TRPC1: variants seen among roughly 807,000 people sequenced by gnomAD.
TRPC1 encodes transient receptor potential cation channel subfamily C member 1.
Under a neutral mutation model 88.2 loss-of-function variants are expected in TRPC1, and 42 were observed. The observed-to-expected ratio is 0.48, with a 90% CI of 0.37 to 0.62. The LOEUF is 0.62. TRPC1 is among the 20% of genes least tolerant of loss of function. TRPC1 has a pLI of 0.00. For missense variants in TRPC1, 699 were observed against 957.3 expected, an observed-to-expected ratio of 0.73 and a Z score of 3.56; for synonymous variants, 288 against 331.8, an observed-to-expected ratio of 0.87 and a Z score of 1.43.
chr3:142,763,936 G>A (rs573625524), intron 4 of TRPC1, among the ~76,000 whole-genome samples: 16 of 78,074 alleles, frequency 2.0e-4, no homozygotes, highest in South Asian at 1.0e-3. Context: ...GCAATAGAGC[G>A]AGACTCCGTC....
chr3:142,754,708 A>G (rs1222862863), intron 4 of TRPC1, among the ~76,000 whole-genome samples: 1 of 152,190 alleles, frequency 6.6e-6, no homozygotes, highest in African/African-American at 2.4e-5. Context: ...AACTTGGCTC[A>G]GTATCTACCA....
intron 1 of TRPC1, among the ~76,000 whole-genome samples, chr3:142,725,874 A>G (rs1933652640): frequency 6.6e-6 from 1 of 152,136 alleles, no homozygotes; most frequent in Non-Finnish European, 1.5e-5. Context: ...TTTTTTGAAA[A>G]CAATTGACAT....
chr3:142,782,598 TG>T (rs1190729283), intron 6 of TRPC1, among the ~76,000 whole-genome samples: 41 of 152,224 alleles, frequency 2.7e-4, no homozygotes, highest in Admixed American at 2.6e-3. Context: ...TCTCCGTGTC[TG>T]GGAACTCATC....
At chr3:142,754,421 TA>T (rs1015913144) in intron 4 of TRPC1, among the ~76,000 whole-genome samples, 6 of 151,526 alleles carry the variant, frequency 4.0e-5, no homozygotes, top group South Asian at 4.2e-4. Flanking sequence ...TAAAGTATAA[TA>T]AAAAAAATGA....
intron 9 of TRPC1, among the ~76,000 whole-genome samples, chr3:142,800,907 T>G (rs1191266706): frequency 2.0e-5 from 3 of 148,940 alleles, no homozygotes; most frequent in Non-Finnish European, 4.4e-5. Flanking sequence ...AGATAGAGAC[T>G]GTCTTAAAAA....
chr3:142,773,221 CT>C (rs944906956), intron 4 of TRPC1, among the ~76,000 whole-genome samples: 7 of 151,066 alleles, frequency 4.6e-5, no homozygotes, highest in Admixed American at 4.6e-4. Context: ...CCATTATAGT[CT>C]TTTTTTTTGA....
chr3:142,804,368 G>A, intron 11 of TRPC1, 68 bp from the exon 12 acceptor site: 1 of 1,407,406 alleles, frequency 7.1e-7, no homozygotes, highest in Non-Finnish European at 9.6e-7. Flanking sequence ...TGCAAGGTGT[G>A]GAAACATCCC....
intron 6 of TRPC1, among the ~76,000 whole-genome samples, chr3:142,783,461 C>T (rs1431194786): frequency 6.6e-6 from 1 of 152,180 alleles, no homozygotes; most frequent in Non-Finnish European, 1.5e-5. Context: ...AAGTATCTTT[C>T]AATTACTTAT....
At chr3:142,764,667 T>C (rs1393183206) in intron 4 of TRPC1, among the ~76,000 whole-genome samples, 2 of 152,160 alleles carry the variant, frequency 1.3e-5, no homozygotes, top group Non-Finnish European at 2.9e-5. Context: ...GTTATTTGCT[T>C]CTTTTCTGTA....
intron 4 of TRPC1, among the ~76,000 whole-genome samples, chr3:142,763,978 ATATAT>A: frequency 2.9e-5 from 2 of 68,568 alleles, no homozygotes; most frequent in Non-Finnish European, 5.1e-5. Flanking sequence ...ATATATATAT[ATATAT>A]ACACATACAT....
chr3:142,724,877 T>G lies in TRPC1; in HGVS notation c.172+146T>G, dbSNP rs1933607670. ...TCGCCTGCTGCCTCAGGCGGTCTTC[T>G]CCTCACCGCCTCTGCCCTGTGAGTG... is the stretch of plus-strand genomic sequence containing the variant. On this transcript the variant is annotated intron_variant, in intron 1 of 12. Transcript: ENST00000476941. The surrounding 1 kb of genome is among the most constrained non-coding windows in gnomAD (Gnocchi z 5.6). 1 of 944,484 alleles carries G rather than the reference T, an allele frequency of 1.1e-6. No individual in the cohort carries two copies. The highest frequency in any genetic ancestry group is 1.8e-5 in the African/African-American group (1 of 54,836). The allele number at this position is 944,484 out of a possible 1,614,324, so 58.5% of individuals were successfully genotyped here. A position where few individuals can be genotyped will look rare whatever the true frequency, so the allele number is the denominator to read the frequency against.
intron 1 of TRPC1, among the ~76,000 whole-genome samples, chr3:142,729,918 CAAAGCTTTGTT>C (rs1933827643): frequency 6.6e-6 from 1 of 151,970 alleles, no homozygotes; most frequent in South Asian, 2.1e-4. Flanking sequence ...CTTTGGATGC[CAAAGCTTTGTT>C]ATGTATAAAG....
At chr3:142,805,186 T>C (rs765085895) in intron 12 of TRPC1, among the ~76,000 whole-genome samples, 6 of 143,056 alleles carry the variant, frequency 4.2e-5, no homozygotes, top group Non-Finnish European at 9.0e-5. Context: ...TTATTAAGAA[T>C]GGGAGATAGT....
chr3:142,768,818 G>A (rs776993425), intron 4 of TRPC1, among the ~76,000 whole-genome samples: 4 of 151,866 alleles, frequency 2.6e-5, no homozygotes, highest in South Asian at 2.1e-4. Context: ...GACTTAAAAC[G>A]TAACAACTTT....
chr3:142,738,163 T>G (rs1311710220), intron 2 of TRPC1, among the ~76,000 whole-genome samples: 3 of 152,174 alleles, frequency 2.0e-5, no homozygotes, highest in African/African-American at 7.2e-5. Context: ...GCTCATAGAC[T>G]TTAATGAATT....
intron 4 of TRPC1, among the ~76,000 whole-genome samples, chr3:142,763,020 T>C (rs1935239089): frequency 6.6e-6 from 1 of 152,198 alleles, no homozygotes; most frequent in African/African-American, 2.4e-5. Flanking sequence ...TTATTCCATA[T>C]GGTCAGAAAA....
intron 1 of TRPC1, among the ~76,000 whole-genome samples, chr3:142,728,229 AGGTTT>A (rs1933758893): frequency 6.6e-6 from 1 of 152,036 alleles, no homozygotes; most frequent in Admixed American, 6.6e-5. Context: ...TGGAGAGAGC[AGGTTT>A]TCACCTTTAT....
At chr3:142,743,449 T>G in intron 2 of TRPC1, 36 bp from the exon 3 acceptor site, 1 of 1,408,276 alleles carries the variant, frequency 7.1e-7, no homozygotes, top group Non-Finnish European at 9.4e-7. Context: ...CCTTTTTATC[T>G]TCCATTTTCA....
At chr3:142,795,991 T>C (rs997918511) in intron 9 of TRPC1, among the ~76,000 whole-genome samples, 2 of 152,148 alleles carry the variant, frequency 1.3e-5, no homozygotes, top group African/African-American at 2.4e-5. Flanking sequence ...GTAATAATAG[T>C]AATAACAGCA....
Sources: allele counts gnomAD v4.1 joint callset (sites outside exome capture counted in the v4.1 genomes callset), GRCh38; gene constraint gnomAD v4.1.1; non-coding constraint Gnocchi (gnomAD v3.1); transcripts MANE v1.5; gene names NCBI Gene and HGNC (gene_info 2026-07-23, HGNC 2026-07-21).